Variants in FANCM observed in about 807,000 individuals in gnomAD.
FANCM encodes FA complementation group M.
FANCM carries 140 observed loss-of-function variants against 199.5 expected under a neutral mutation model. The ratio of observed to expected loss-of-function variants is 0.70; its 90% CI spans 0.61 to 0.81. The LOEUF is 0.81. Among genes scored for constraint, FANCM ranks in the 30% least tolerant of loss-of-function variants. FANCM has a pLI of 0.00. For synonymous variants in FANCM, 840 were observed against 836.8 expected (o/e 1.00, Z -0.07); for missense variants, 2,410 against 2,421.4 (o/e 1.00, Z 0.10).
Position 45,183,820 on chromosome 14 carries a change from G to A in FANCM, c.4433G>A (p.Cys1478Tyr), listed in dbSNP as rs553521590. Reference protein sequence around the residue: ...SDESENFPKPCSQLEDFKVCN... With the variant: ...SDESENFPKPYSQLEDFKVCN... ...GAGAGTGAGAATTTTCCCAAACCATGTTCACAATTAGAAGACTTCAAGGTT... is the reference window on the plus strand; with the variant it reads ...GAGAGTGAGAATTTTCCCAAACCATATTCACAATTAGAAGACTTCAAGGTT... The change falls in exon 17 of 23, where the codon TGT becomes TAT. Residue 1478 changes from cysteine to tyrosine, a missense_variant. By Grantham distance (194) the Cys-to-Tyr change is radical. Transcript: ENST00000267430. 3.2e-5 allele frequency: 52 copies of A among 1,609,502 alleles called. No individual in the cohort carries two copies. Among genetic ancestry groups the A allele is most frequent in the Non-Finnish European group, 4.4e-5 (52 of 1,176,266 alleles).
chr14:45,143,505 A>G (rs530403649), intron 3 of FANCM, among the ~76,000 whole-genome samples: 6 of 151,894 alleles, frequency 4.0e-5, no homozygotes, highest in African/African-American at 1.5e-4. Flanking sequence ...TGCTTCTGTA[A>G]CTTTCTGACA....
intron 3 of FANCM, among the ~76,000 whole-genome samples, chr14:45,147,982 G>A (rs1002616574): frequency 9.3e-5 from 14 of 150,992 alleles, no homozygotes; most frequent in African/African-American, 3.4e-4. Context: ...CGAATCATGA[G>A]GTCAGGAGTT....
chr14:45,149,282 C>A (rs918090029), intron 4 of FANCM, among the ~76,000 whole-genome samples: 2 of 148,166 alleles, frequency 1.3e-5, no homozygotes, highest in African/African-American at 5.0e-5. Flanking sequence ...GAATATAGAA[C>A]ATGCACACAC....
At position 45,173,054 on chromosome 14, in the gene FANCM, G is replaced by A. The variant is rs1204746952; in HGVS notation, c.2161-1G>A. 2 of 1,599,820 alleles carry A rather than the reference G, an allele frequency of 1.3e-6. No individual in the cohort carries two copies. Among genetic ancestry groups the A allele is most frequent in the Admixed American group, 1.7e-5 (1 of 59,946 alleles). ...TTTTTATTACTTTTTAAATAATTAA[G>A]GCTCAAGAATCAACCACTGGAATTC... On this transcript the variant is annotated splice_acceptor_variant, in intron 12 of 22. Transcript: ENST00000267430. LOFTEE classifies it high-confidence loss of function.
chr14:45,185,450 A>G (rs1275864290), intron 18 of FANCM, 77 bp downstream of exon 18: 1 of 845,630 alleles, frequency 1.2e-6, no homozygotes. Context: ...ATCAGTTTTT[A>G]ATGAAACTAG....
At chr14:45,146,832 CAAAAA>C (rs762253487) in intron 3 of FANCM, among the ~76,000 whole-genome samples, 3,654 of 41,930 alleles carry the variant, frequency 0.087, 163 homozygotes, top group African/African-American at 0.25. Context: ...GACTCTGTCT[CAAAAA>C]AAAAAAAAAA....
At chr14:45,164,822 CA>C (rs2139206451) in intron 10 of FANCM, among the ~76,000 whole-genome samples, 1 of 152,186 alleles carries the variant, frequency 6.6e-6, no homozygotes, top group African/African-American at 2.4e-5. Flanking sequence ...ATCTAAAAAC[CA>C]ATATCTATTA....
At chr14:45,183,213 T>A (rs1292135112) in intron 16 of FANCM, among the ~76,000 whole-genome samples, 2 of 152,228 alleles carry the variant, frequency 1.3e-5, no homozygotes, top group African/African-American at 4.8e-5. Flanking sequence ...ATAATGCTGA[T>A]GATCAATTTG....
At chr14:45,198,570 A>G in intron 21 of FANCM, 74 bp from the exon 22 acceptor site, 1 of 848,120 alleles carries the variant, frequency 1.2e-6, no homozygotes. Flanking sequence ...GGATTTTAAT[A>G]AAATAAAGTA....
chr14:45,169,591 G>T (rs536385974), intron 11 of FANCM, among the ~76,000 whole-genome samples: 1 of 151,580 alleles, frequency 6.6e-6, no homozygotes, highest in East Asian at 2.0e-4. Flanking sequence ...TTTAGACTTG[G>T]GGTCAAGCTG....
chr14:45,147,907 C>CCCCA (rs1336126075), intron 3 of FANCM, among the ~76,000 whole-genome samples: 4 of 142,920 alleles, frequency 2.8e-5, no homozygotes, highest in African/African-American at 1.1e-4. Flanking sequence ...GCCCCCCCCC[C>CCCCA]AAAAAAAAAG....
chr14:45,161,476 G>C (rs370245212), intron 9 of FANCM, among the ~76,000 whole-genome samples: 1 of 151,898 alleles, frequency 6.6e-6, no homozygotes, highest in African/African-American at 2.4e-5. Flanking sequence ...GTCTTAGCTC[G>C]GTTTATATTT....
At chr14:45,169,036 C>T (rs1888167730) in intron 11 of FANCM, among the ~76,000 whole-genome samples, 1 of 151,988 alleles carries the variant, frequency 6.6e-6, no homozygotes, top group African/African-American at 2.4e-5. Flanking sequence ...ATTCTCCTGC[C>T]TCAGCCTCCC....
In FANCM at chr14:45,136,465, C is replaced by A; in HGVS notation, c.434C>A (p.Pro145His). Residue 145 changes from proline to histidine, a missense_variant, in exon 1 of 23, where the codon CCC (proline) becomes CAC (histidine). By Grantham distance (77) the Pro-to-His change is moderately conservative. Coordinates refer to ENST00000267430, the MANE Select transcript of FANCM (RefSeq NM_020937.4). ...GTGGTCTTCATGGCCCCAACGAAAC[C>A]CTTGGTGACACAGCAGATCGAGGCT... ...GKVVFMAPTK[P>H]LVTQQIEACY... 1 of 1,614,122 alleles carries A rather than the reference C, an allele frequency of 6.2e-7. No individual in the cohort carries two copies. The highest frequency in any genetic ancestry group is 8.5e-7 in the Non-Finnish European group (1 of 1,180,020).
intron 9 of FANCM, among the ~76,000 whole-genome samples, chr14:45,163,207 C>G (rs537812043): frequency 6.6e-6 from 1 of 152,152 alleles, no homozygotes; most frequent in Non-Finnish European, 1.5e-5. Context: ...AGACATTAGG[C>G]AAATAGCTTA....
chr14:45,157,200 C>A (rs868749742), intron 8 of FANCM, among the ~76,000 whole-genome samples: 49 of 152,176 alleles, frequency 3.2e-4, no homozygotes, highest in African/African-American at 1.1e-3. Flanking sequence ...TTTTGAGACA[C>A]CTAAGTGTCA....
intron 20 of FANCM, among the ~76,000 whole-genome samples, chr14:45,189,961 C>G (rs904747911): frequency 2.0e-5 from 3 of 149,196 alleles, no homozygotes; most frequent in African/African-American, 7.4e-5. Flanking sequence ...GAGCAAGACT[C>G]CATCTCAAAA....
At chr14:45,188,540 A>G (rs1889555060) in intron 19 of FANCM, among the ~76,000 whole-genome samples, 2 of 152,182 alleles carry the variant, frequency 1.3e-5, no homozygotes, top group Non-Finnish European at 2.9e-5. Context: ...TATAGCATTT[A>G]TCATCTATTA....
Position 45,176,832 on chromosome 14 carries a change from A to G in FANCM, c.4078A>G (p.Thr1360Ala). 1 of 1,607,896 alleles carries G rather than the reference A, an allele frequency of 6.2e-7. No homozygotes were observed. Among genetic ancestry groups the G allele is most frequent in the South Asian group, 1.1e-5 (1 of 90,122 alleles). ...TAAGATAAGAAAGGAAATACTTAAGACACCAGATTCTAGTAAGGAAAAAGT... is the reference window on the plus strand; with the variant it reads ...TAAGATAAGAAAGGAAATACTTAAGGCACCAGATTCTAGTAAGGAAAAAGT... The part of the protein sequence containing the change: ...FSKIRKEILK[T>A]PDSSKEKVNL... Residue 1360 changes from threonine to alanine, a missense_variant, in exon 14 of 23, where the codon ACA becomes GCA. Transcript: ENST00000267430.
Sources: gnomAD v4.1 joint callset for allele counts (sites outside exome capture counted in the v4.1 genomes callset) on GRCh38, gnomAD v4.1.1 for gene constraint, MANE v1.5 for transcripts, NCBI Gene and HGNC (gene_info 2026-07-23, HGNC 2026-07-21) for gene names.